The following HECTD4 variants were observed in gnomAD, a reference collection of about 807,000 sequenced individuals.
HECTD4 encodes probable E3 ubiquitin-protein ligase HECTD4.
HECTD4 carries 114 observed loss-of-function variants against 471.5 expected under a neutral mutation model. That is an observed-to-expected ratio of 0.24 (90% CI 0.21 to 0.28). The LOEUF (loss-of-function observed/expected upper bound fraction) is 0.28. Ranked by LOEUF, HECTD4 falls within the 10% of genes least tolerant of loss-of-function variation. The pLI, the probability that HECTD4 is intolerant of heterozygous loss-of-function variation, is 1.00. For missense variants in HECTD4, 3,866 were observed against 5,651.5 expected, an observed-to-expected ratio of 0.68 and a Z score of 10.13; for synonymous variants, 2,012 against 2,256.0, an observed-to-expected ratio of 0.89 and a Z score of 3.07.
At position 112,240,339 on chromosome 12, in the gene HECTD4, G is replaced by A. The variant is rs1467151544; in HGVS notation, c.4959-312C>T. ...AAGCGAATGGCCTCTCCACAAGCAG[G>A]GGACATTCAACATTTTCCAAACTTA... On this transcript the variant is annotated intron_variant, in intron 32 of 75. Coordinates refer to ENST00000682272, the MANE Select transcript of HECTD4 (RefSeq NM_001388303.1). Among the ~76,000 whole-genome samples, 6 of 152,148 alleles carry A rather than the reference G, an allele frequency of 3.9e-5. No individual in the cohort carries two copies. In the South Asian group the frequency reaches 8.3e-4, roughly 21 times the overall value.
intron 1 of HECTD4, among the ~76,000 whole-genome samples, chr12:112,370,082 G>A (rs925738355): frequency 2.6e-5 from 4 of 152,142 alleles, no homozygotes; most frequent in Admixed American, 6.5e-5. Flanking sequence ...GTACTCACAA[G>A]GGTGCTTATA....
intron 1 of HECTD4, among the ~76,000 whole-genome samples, chr12:112,332,282 C>T (rs2035858043): frequency 6.6e-6 from 1 of 152,100 alleles, no homozygotes; most frequent in South Asian, 2.1e-4. Context: ...CCTATAATCC[C>T]AGCACTTTCA....
intron 11 of HECTD4, among the ~76,000 whole-genome samples, chr12:112,270,667 G>A (rs1235926778): frequency 6.6e-6 from 1 of 152,182 alleles, no homozygotes; most frequent in African/African-American, 2.4e-5. Context: ...AACATAAGTA[G>A]CTACCACTTC....
In HECTD4 at chr12:112,381,773, G is replaced by A. The variant is rs1403096347; in HGVS notation, c.177+179C>T. Among the ~76,000 whole-genome samples the A allele has an allele frequency of 2.0e-5, 3 of 152,002 alleles. No homozygotes were observed. The highest frequency in any genetic ancestry group is 1.3e-4 in the Admixed American group (2 of 15,272). ...CCCGAGGAGGGAGGGAGGGAGAGCGGGGCGGGCGGTCCGCAGACCTGCGGC... is the reference window on the plus strand; with the variant it reads ...CCCGAGGAGGGAGGGAGGGAGAGCGAGGCGGGCGGTCCGCAGACCTGCGGC... On this transcript the variant is annotated intron_variant, in intron 1 of 75. Transcript: ENST00000682272. The surrounding 1 kb of genome is among the most constrained non-coding windows in gnomAD (Gnocchi z 4.1).
chr12:112,323,975 TTCCTTCCTTCCTTCCTTCCTTCCTTC>T (rs2035656779), intron 1 of HECTD4, among the ~76,000 whole-genome samples: 1 of 21,122 alleles, frequency 4.7e-5, no homozygotes, highest in Admixed American at 6.0e-4. Flanking sequence ...TCTTCCTTCC[TTCCTTCCTTCCTTCCTTCCTTCCTTC>T]CTTCCTTCCT....
intron 7 of HECTD4, among the ~76,000 whole-genome samples, chr12:112,300,730 T>C (rs542267848): frequency 1.3e-5 from 2 of 152,092 alleles, no homozygotes; most frequent in Non-Finnish European, 2.9e-5. Flanking sequence ...CCCGAGTAGC[T>C]AAGACTACAG....
chr12:112,314,506 G>A lies in HECTD4; in HGVS notation c.736C>T (p.Gln246Ter). 1 of 1,531,838 alleles carries A rather than the reference G, an allele frequency of 6.5e-7. No homozygotes were observed. The highest frequency in any genetic ancestry group is 8.7e-7 in the Non-Finnish European group (1 of 1,143,062). The allele number at this position is 1,531,838 out of a possible 1,614,324, so 94.9% of individuals were successfully genotyped here. The stretch of plus-strand genomic sequence containing the variant: ...AGGGACCCTAGATCCGTCTGTTTCT[G>A]TAATAGATGGACTGTGTGGACGAAA... ...KTFVHTVHLL[Q>*]KQTDLGSLPV... Residue 246 changes from glutamine (Q) to a stop codon, truncating the protein, a stop_gained, in exon 3 of 76, where the codon CAG becomes TAG. Transcript: ENST00000682272. LOFTEE classifies it high-confidence loss of function.
intron 55 of HECTD4, 45 bp from the exon 56 acceptor site, chr12:112,195,111 C>T (rs755132661): frequency 7.2e-6 from 11 of 1,520,990 alleles, no homozygotes; most frequent in Admixed American, 5.9e-5. Flanking sequence ...CCTGATGCTC[C>T]GGCCCCCATA....
chr12:112,164,295 C>T lies in HECTD4; in HGVS notation c.12535-20G>A, dbSNP rs374497789. The T allele has an allele frequency of 1.4e-4, 226 of 1,603,270 alleles. No individual in the cohort carries two copies. The highest frequency in any genetic ancestry group is 1.1e-4 in the Non-Finnish European group (129 of 1,173,152). On this transcript the variant is annotated intron_variant, in intron 72 of 75. Transcript: ENST00000682272. ...ATTGATCTGGAGGGTGGAGGCAGAG[C>T]GAGGCTCATTATGAGGCCATGGGAG...
intron 1 of HECTD4, among the ~76,000 whole-genome samples, chr12:112,320,923 T>C (rs1005352978): frequency 6.6e-6 from 1 of 151,754 alleles, no homozygotes; most frequent in Non-Finnish European, 1.5e-5. Flanking sequence ...CTCAGCTCAC[T>C]GCAACCTCCA....
chr12:112,373,685 C>T (rs1490663177), intron 1 of HECTD4, among the ~76,000 whole-genome samples: 1 of 152,038 alleles, frequency 6.6e-6, no homozygotes, highest in Non-Finnish European at 1.5e-5. Context: ...GAGATAGTGA[C>T]AATGATGACT....
chr12:112,287,285 T>C (rs868399241), intron 7 of HECTD4, among the ~76,000 whole-genome samples: 4 of 152,146 alleles, frequency 2.6e-5, no homozygotes, highest in South Asian at 2.1e-4. Context: ...CATACTCTAA[T>C]ATAAGCTCCA....
At chr12:112,196,798 CTTT>C (rs886637660) in intron 55 of HECTD4, among the ~76,000 whole-genome samples, 2 of 151,660 alleles carry the variant, frequency 1.3e-5, no homozygotes, top group African/African-American at 4.8e-5. Flanking sequence ...CTCTCTCTCT[CTTT>C]TTTTTGTTTT....
chr12:112,225,570 A>G (rs2033211651), intron 44 of HECTD4, among the ~76,000 whole-genome samples: 1 of 151,694 alleles, frequency 6.6e-6, no homozygotes, highest in Non-Finnish European at 1.5e-5. Context: ...CCACAGGGAT[A>G]CAGTCATCAA....
intron 55 of HECTD4, among the ~76,000 whole-genome samples, chr12:112,198,525 A>C (rs2032317077): frequency 6.6e-6 from 1 of 152,132 alleles, no homozygotes; most frequent in Non-Finnish European, 1.5e-5. Context: ...AGGAGAGTTG[A>C]GGCCTGGGCT....
At chr12:112,349,314 A>G (rs1942325501) in intron 1 of HECTD4, among the ~76,000 whole-genome samples, 1 of 145,912 alleles carries the variant, frequency 6.9e-6, no homozygotes, top group East Asian at 2.3e-4. Flanking sequence ...GCTTGAACCC[A>G]GGAGGCAGAG....
At chr12:112,341,460 C>T (rs1428049893) in intron 1 of HECTD4, among the ~76,000 whole-genome samples, 1 of 152,206 alleles carries the variant, frequency 6.6e-6, no homozygotes, top group African/African-American at 2.4e-5. Flanking sequence ...CTATGGCTGA[C>T]CACTAAGTCC....
At position 112,382,030 on chromosome 12, in the gene HECTD4, C is replaced by A; in HGVS notation, c.99G>T (p.Gly33=). The change falls in exon 1 of 76, where the codon GGG becomes GGT. Residue 33 remains glycine, a synonymous_variant. Transcript: ENST00000682272. ...VKEETIFLHD[G]LIRVTDLAEL... ...CGGCCAGGTCGGTGACCCGGATCAG[C>A]CCGTCGTGCAGGAAGATGGTCTCTT... The A allele has an allele frequency of 8.2e-7, 1 of 1,224,496 alleles. No individual in the cohort carries two copies. The highest frequency in any genetic ancestry group is 1.0e-6 in the Non-Finnish European group (1 of 983,206). 75.9% of individuals were successfully genotyped at this position (1,224,496 alleles called of 1,614,324 possible). A position where few individuals can be genotyped will look rare whatever the true frequency, so the allele number is the denominator to read the frequency against.
chr12:112,283,428 C>T (rs2034686695), intron 7 of HECTD4, 126 bp from the exon 8 acceptor site: 2 of 662,638 alleles, frequency 3.0e-6, no homozygotes, highest in Admixed American at 3.0e-5. Flanking sequence ...TAGATGTATA[C>T]CTTAAAACTT....
Sources: allele counts gnomAD v4.1 joint callset (sites outside exome capture counted in the v4.1 genomes callset), GRCh38; gene constraint gnomAD v4.1.1; non-coding constraint Gnocchi (gnomAD v3.1); transcripts MANE v1.5; gene names NCBI Gene and HGNC (gene_info 2026-07-23, HGNC 2026-07-21).